TMED10: variants seen among roughly 807,000 people sequenced by gnomAD.
TMED10 encodes transmembrane p24 trafficking protein 10.
A neutral mutation model predicts 23.1 loss-of-function variants in TMED10; 7 were observed. The observed-to-expected ratio is 0.30, with a 90% confidence interval of 0.17 to 0.57. The LOEUF (loss-of-function observed/expected upper bound fraction) is 0.57. Ranked by LOEUF, TMED10 falls within the 20% of genes least tolerant of loss-of-function variation. The pLI, the probability that TMED10 is intolerant of heterozygous loss-of-function variation, is 0.91. For synonymous variants in TMED10, 113 were observed against 106.9 expected (o/e 1.06, Z -0.35); for missense variants, 162 against 274.8 (o/e 0.59, Z 2.90).
At chr14:75,140,940 T>C (rs1895814650) in intron 3 of TMED10, among the ~76,000 whole-genome samples, 1 of 152,102 alleles carries the variant, frequency 6.6e-6, no homozygotes, top group African/African-American at 2.4e-5. Context: ...TATATAACAA[T>C]AGACTTTTAT....
chr14:75,146,062 T>G (rs140346718), intron 3 of TMED10, among the ~76,000 whole-genome samples: 49 of 152,300 alleles, frequency 3.2e-4, no homozygotes, highest in African/African-American at 1.1e-3. Context: ...TTAAAAAAAT[T>G]TTTCAATTTA....
At chr14:75,142,911 T>C (rs1895840460) in intron 3 of TMED10, among the ~76,000 whole-genome samples, 1 of 152,122 alleles carries the variant, frequency 6.6e-6, no homozygotes, top group South Asian at 2.1e-4. Flanking sequence ...CATGCTGGAG[T>C]GCAGTGGCAC....
At chr14:75,135,615 T>G (rs932019745) in intron 4 of TMED10, 145 bp downstream of exon 4, 13 of 1,137,872 alleles carry the variant, frequency 1.1e-5, no homozygotes, top group Non-Finnish European at 1.5e-5. Flanking sequence ...TCATTTACCT[T>G]TAGCAGCAAC....
chr14:75,151,143 T>C (rs1895951188), intron 2 of TMED10, among the ~76,000 whole-genome samples: 1 of 151,990 alleles, frequency 6.6e-6, no homozygotes, highest in African/African-American at 2.4e-5. Flanking sequence ...TGGCCTCAGG[T>C]GATCCGCCCG....
At chr14:75,137,155 C>T (rs555418728) in intron 3 of TMED10, among the ~76,000 whole-genome samples, 3 of 151,392 alleles carry the variant, frequency 2.0e-5, no homozygotes, top group South Asian at 2.1e-4. Context: ...GGACTACAGG[C>T]GTGCGCCACC....
chr14:75,146,604 C>A (rs1376107414), intron 3 of TMED10, among the ~76,000 whole-genome samples: 1 of 152,018 alleles, frequency 6.6e-6, no homozygotes, highest in Non-Finnish European at 1.5e-5. Flanking sequence ...TTTGAAGAAC[C>A]CTTTTGTGCT....
In TMED10 at chr14:75,176,337, C is replaced by G. The variant is rs1896305309; in HGVS notation, c.225+18G>C. 6.2e-7 allele frequency: 1 copy of G among 1,613,416 alleles called. No individual in the cohort carries two copies. ...CCTGCCGTCTTCCCTCCCGGCCCCA[C>G]GTCGCCCAATGCCGCACCTTGAGGT... On this transcript the variant is annotated intron_variant, in intron 1 of 4. Transcript: ENST00000303575.
At chr14:75,169,532 C>T (rs1196048866) in intron 1 of TMED10, among the ~76,000 whole-genome samples, 1 of 152,152 alleles carries the variant, frequency 6.6e-6, no homozygotes, top group Non-Finnish European at 1.5e-5. Context: ...GTGGTACGCG[C>T]CTATAATCCC....
chr14:75,153,477 G>C (rs1052267508), intron 1 of TMED10, among the ~76,000 whole-genome samples: 1 of 152,182 alleles, frequency 6.6e-6, no homozygotes, highest in Non-Finnish European at 1.5e-5. Context: ...TACAAAGCAA[G>C]GGAATTCCAT....
chr14:75,133,366 T>C lies in TMED10; in HGVS notation c.*1519A>G, dbSNP rs890134531. The stretch of plus-strand genomic sequence containing the variant: ...CATTTCACCGAAGAGGATACATAGA[T>C]GGCAAATTAGCACACAAAAAGATAC... On this transcript the variant is annotated 3_prime_UTR_variant, in exon 5 of 5. Coordinates refer to ENST00000303575, the MANE Select transcript of TMED10 (RefSeq NM_006827.6). 5 of 152,190 alleles carry C rather than the reference T, an allele frequency of 3.3e-5. No homozygotes were observed. The highest frequency in any genetic ancestry group is 5.9e-5 in the Non-Finnish European group (4 of 68,014). The allele number at this position is 152,190 out of a possible 1,614,324, so 9.4% of individuals were successfully genotyped here. A position where few individuals can be genotyped will look rare whatever the true frequency, so the allele number is the denominator to read the frequency against.
intron 1 of TMED10, among the ~76,000 whole-genome samples, chr14:75,154,954 C>T (rs1896004259): frequency 6.8e-6 from 1 of 147,798 alleles, no homozygotes. Flanking sequence ...TAAGCCATCT[C>T]ACCTGGCCCT....
intron 3 of TMED10, among the ~76,000 whole-genome samples, chr14:75,137,789 C>T (rs567827028): frequency 1.3e-5 from 2 of 151,302 alleles, no homozygotes; most frequent in South Asian, 2.1e-4. Flanking sequence ...CTCACTGCAA[C>T]CTCTGCCTCC....
At chr14:75,148,042 G>A in intron 2 of TMED10, 1 of 429,086 alleles carries the variant, frequency 2.3e-6, no homozygotes, top group Non-Finnish European at 4.3e-6. Flanking sequence ...GAACAGAAGG[G>A]AAACCACACA....
Position 75,176,435 on chromosome 14 carries a change from G to GA in TMED10, c.144dup (p.His49SerfsTer52). 6.2e-7 allele frequency: 1 copy of GA among 1,614,224 alleles called. No homozygotes were observed. The highest frequency in any genetic ancestry group is 8.5e-7 in the Non-Finnish European group (1 of 1,180,042). ...GCGCCAGTCACTAGCAGGTCCTTGT[G>GA]AATCTCCTCACGGAGGCACTTGCGA... On this transcript the variant is annotated frameshift_variant, in exon 1 of 5. Transcript: ENST00000303575. LOFTEE classifies it high-confidence loss of function.
At chr14:75,173,961 C>T (rs1338008436) in intron 1 of TMED10, among the ~76,000 whole-genome samples, 1 of 152,126 alleles carries the variant, frequency 6.6e-6, no homozygotes, top group Non-Finnish European at 1.5e-5. Context: ...GAACTCCTGA[C>T]CTCAGGTGAT....
At chr14:75,164,553 ATATATATATATATATATATATATATTTT>A (rs1468431242) in intron 1 of TMED10, among the ~76,000 whole-genome samples, 2 of 6,024 alleles carry the variant, frequency 3.3e-4, no homozygotes, top group African/African-American at 4.8e-4. Flanking sequence ...ATATATATAT[ATATATATATATATATATATATATATTTT>A]TTTTTTTTTT....
chr14:75,131,841 A>C lies in TMED10; in HGVS notation c.*3044T>G, dbSNP rs979610318. The stretch of plus-strand genomic sequence containing the variant: ...AAATGTCCCAGTTGATAGTTTCGGC[A>C]TGAGTAAAGGGAAGGGACATGAAAG... On this transcript the variant is annotated 3_prime_UTR_variant, in exon 5 of 5. Transcript: ENST00000303575. 3 of 152,260 alleles carry C rather than the reference A, an allele frequency of 2.0e-5. No individual in the cohort carries two copies. Among genetic ancestry groups the C allele is most frequent in the African/African-American group, 7.2e-5 (3 of 41,468 alleles). The allele number at this position is 152,260 out of a possible 1,614,324, so 9.4% of individuals were successfully genotyped here.
At chr14:75,161,173 A>G (rs770505375) in intron 1 of TMED10, among the ~76,000 whole-genome samples, 1 of 152,240 alleles carries the variant, frequency 6.6e-6, no homozygotes, top group African/African-American at 2.4e-5. Context: ...AAACTCATTT[A>G]AAATTGGATT....
intron 3 of TMED10, among the ~76,000 whole-genome samples, chr14:75,141,677 G>C (rs905906876): frequency 6.6e-6 from 1 of 152,126 alleles, no homozygotes; most frequent in Non-Finnish European, 1.5e-5. Flanking sequence ...AAGTCTATGT[G>C]AGTTTATTCT....
Sources: allele counts gnomAD v4.1 joint callset (sites outside exome capture counted in the v4.1 genomes callset), GRCh38; gene constraint gnomAD v4.1.1; transcripts MANE v1.5; gene names NCBI Gene and HGNC (gene_info 2026-07-23, HGNC 2026-07-21).